The following PDGFC variants were observed in gnomAD, a reference collection of about 807,000 sequenced individuals.
PDGFC encodes platelet derived growth factor C, also known as platelet-derived growth factor C.
PDGFC carries 12 observed loss-of-function variants against 35.5 expected under a neutral mutation model. That is an observed-to-expected ratio of 0.34 (90% confidence interval 0.22 to 0.55). PDGFC has a LOEUF of 0.55. Ranked by LOEUF, PDGFC falls within the 20% of genes least tolerant of loss-of-function variation. The probability of loss-of-function intolerance (pLI) is 0.91; values close to 1 mark genes in which losing one functional copy is unlikely to be tolerated. For missense variants in PDGFC, 322 were observed against 412.4 expected, an observed-to-expected ratio of 0.78 and a Z score of 1.90; for synonymous variants, 159 against 148.8, an observed-to-expected ratio of 1.07 and a Z score of -0.50.
chr4:156,837,269 C>T (rs1162930031), intron 2 of PDGFC, among the ~76,000 whole-genome samples: 1 of 152,168 alleles, frequency 6.6e-6, no homozygotes, highest in Non-Finnish European at 1.5e-5. Flanking sequence ...ATCCCACCTA[C>T]TTGGGAGGCT....
intron 1 of PDGFC, among the ~76,000 whole-genome samples, chr4:156,932,278 C>T (rs907101252): frequency 6.6e-6 from 1 of 152,060 alleles, no homozygotes; most frequent in Admixed American, 6.5e-5. Flanking sequence ...AACTCAGGAA[C>T]AACACACTCT....
chr4:156,876,714 A>G (rs1213682569), intron 1 of PDGFC: 1 of 152,162 alleles, frequency 6.6e-6, no homozygotes, highest in African/African-American at 2.4e-5. Flanking sequence ...TCTTCTTCAT[A>G]ATATAGAGCT....
intron 1 of PDGFC, among the ~76,000 whole-genome samples, chr4:156,957,129 C>CA (rs1732231985): frequency 6.6e-6 from 1 of 152,126 alleles, no homozygotes; most frequent in African/African-American, 2.4e-5. Flanking sequence ...TAATGCTCTA[C>CA]AGTTATTTCA....
intron 3 of PDGFC, among the ~76,000 whole-genome samples, chr4:156,783,617 G>A (rs950826887): frequency 7.9e-5 from 12 of 152,014 alleles, no homozygotes; most frequent in African/African-American, 2.7e-4. Flanking sequence ...TAAGCTGGTC[G>A]ACCTTTGTGA....
intron 1 of PDGFC, among the ~76,000 whole-genome samples, chr4:156,920,422 C>T (rs549776623): frequency 1.3e-5 from 2 of 152,278 alleles, no homozygotes; most frequent in Admixed American, 1.3e-4. Flanking sequence ...AGACCAAATA[C>T]TATAAATGGT....
chr4:156,905,686 T>C (rs1214958109), intron 1 of PDGFC, among the ~76,000 whole-genome samples: 1 of 152,128 alleles, frequency 6.6e-6, no homozygotes, highest in Non-Finnish European at 1.5e-5. Flanking sequence ...TATCTGCATC[T>C]AATCACTGCT....
At chr4:156,940,961 CAAAT>C (rs1276299651) in intron 1 of PDGFC, among the ~76,000 whole-genome samples, 2 of 152,002 alleles carry the variant, frequency 1.3e-5, no homozygotes, top group Non-Finnish European at 2.9e-5. Context: ...AAATGAATAA[CAAAT>C]AAATATGTTT....
chr4:156,779,581 T>A (rs1730923999), intron 3 of PDGFC, among the ~76,000 whole-genome samples: 1 of 152,216 alleles, frequency 6.6e-6, no homozygotes, highest in Non-Finnish European at 1.5e-5. Context: ...ATGAGTTTCA[T>A]GGTTTCAGAA....
rs142389739 is a variant in PDGFC, at chr4:156,909,452, C to A, written c.119-59036G>T. Among the ~76,000 whole-genome samples, 629 of 152,148 alleles carry A rather than the reference C, an allele frequency of 4.1e-3. 2 individuals are homozygous for A. Among genetic ancestry groups the A allele is most frequent in the South Asian group, 9.6e-3 (46 of 4,814 alleles). On this transcript the variant is annotated intron_variant, in intron 1 of 5. Coordinates refer to ENST00000502773, the MANE Select transcript of PDGFC (RefSeq NM_016205.3). The stretch of plus-strand genomic sequence containing the variant: ...AGGAGAAAGTAACCAAACAAGTGAG[C>A]CAGAAATACAAACACATTTGGGAGA...
chr4:156,785,596 G>C (rs893474099), intron 3 of PDGFC, among the ~76,000 whole-genome samples: 2 of 152,092 alleles, frequency 1.3e-5, no homozygotes, highest in Admixed American at 6.6e-5. Context: ...CAACAGTCTG[G>C]AAAGGGAGCA....
chr4:156,892,937 G>A (rs1470863843), intron 1 of PDGFC, among the ~76,000 whole-genome samples: 4 of 152,080 alleles, frequency 2.6e-5, no homozygotes, highest in African/African-American at 9.7e-5. Flanking sequence ...AAGTGCACTG[G>A]AGTGAAACTA....
At chr4:156,781,783 G>A (rs1196026359) in intron 3 of PDGFC, among the ~76,000 whole-genome samples, 1 of 151,992 alleles carries the variant, frequency 6.6e-6, no homozygotes, top group Non-Finnish European at 1.5e-5. Flanking sequence ...TTCAAAGGAG[G>A]GATGATTCCA....
intron 2 of PDGFC, among the ~76,000 whole-genome samples, chr4:156,843,308 G>A (rs1261821198): frequency 6.6e-6 from 1 of 152,098 alleles, no homozygotes; most frequent in Non-Finnish European, 1.5e-5. Context: ...CTTGATCTTG[G>A]CCTTCCCAGC....
intron 1 of PDGFC, among the ~76,000 whole-genome samples, chr4:156,900,816 CAG>C (rs1179025217): frequency 1.3e-5 from 2 of 149,940 alleles, no homozygotes; most frequent in Admixed American, 6.7e-5. Flanking sequence ...GCCTGAGTGA[CAG>C]AGAGAGACCC....
rs1222073418 is a variant in PDGFC, at chr4:156,762,989, CA to C, written c.*100del. 7.0e-5 allele frequency: 48 copies of C among 684,250 alleles called. No individual in the cohort carries two copies. Among genetic ancestry groups the C allele is most frequent in the Non-Finnish European group, 1.1e-4 (41 of 366,548 alleles). 42.4% of individuals were successfully genotyped at this position (684,250 alleles called of 1,614,324 possible). A position where few individuals can be genotyped will look rare whatever the true frequency, so the allele number is the denominator to read the frequency against. On this transcript the variant is annotated 3_prime_UTR_variant, in exon 6 of 6. Transcript: ENST00000502773. ...TCCTGAAGATGAAAGGTCCTTGAAG[CA>C]AACAACTGAGATTAAGGATGGAGAT...
chr4:156,768,825 C>A (rs2110802011), intron 4 of PDGFC, among the ~76,000 whole-genome samples: 1 of 152,068 alleles, frequency 6.6e-6, no homozygotes, highest in African/African-American at 2.4e-5. Flanking sequence ...ACAAAATATT[C>A]TTTATTGCAG....
chr4:156,943,524 C>T (rs1423398588), intron 1 of PDGFC, among the ~76,000 whole-genome samples: 5 of 152,082 alleles, frequency 3.3e-5, no homozygotes, highest in African/African-American at 1.2e-4. Context: ...ACAAGCACCA[C>T]TATAAGTGCA....
At chr4:156,970,765 G>T in intron 1 of PDGFC, 21 bp downstream of exon 1, 2 of 1,401,208 alleles carry the variant, frequency 1.4e-6, no homozygotes, top group South Asian at 1.2e-5. Flanking sequence ...CAAGCAGGGG[G>T]AGAATGGGGG....
intron 2 of PDGFC, among the ~76,000 whole-genome samples, chr4:156,815,216 T>C (rs1732048867): frequency 8.9e-6 from 1 of 112,706 alleles, no homozygotes; most frequent in African/African-American, 5.7e-5. Context: ...CATACAAAAA[T>C]ATATAATTCC....
Sources: allele counts gnomAD v4.1 joint callset (sites outside exome capture counted in the v4.1 genomes callset), GRCh38; gene constraint gnomAD v4.1.1; transcripts MANE v1.5; gene names NCBI Gene and HGNC (gene_info 2026-07-23, HGNC 2026-07-21).